ANXA8: variants seen among roughly 807,000 people sequenced by gnomAD.
The protein encoded by ANXA8 is VAC-beta.
ANXA8 carries 9 observed loss-of-function variants against 26.8 expected under a neutral mutation model. The observed-to-expected ratio is 0.34, with a 90% confidence interval of 0.20 to 0.59. The LOEUF is 0.59. Among genes scored for constraint, ANXA8 ranks in the 20% least tolerant of loss-of-function variants. The pLI, the probability that ANXA8 is intolerant of heterozygous loss-of-function variation, is 0.84. For synonymous variants in ANXA8, 39 were observed against 94.8 expected, an observed-to-expected ratio of 0.41 and a Z score of 3.42; for missense variants, 83 against 238.5, an observed-to-expected ratio of 0.35 and a Z score of 4.29.
chr10:47,665,004 G>A, the ANXA8 span, among the ~76,000 whole-genome samples: 1 of 144,316 alleles, frequency 6.9e-6, no homozygotes, highest in Non-Finnish European at 1.5e-5. Context: ...TGGGATTACA[G>A]GTATGAGCCA....
At chr10:47,577,224 C>CAAA in the ANXA8 span, among the ~76,000 whole-genome samples, 2 of 110,868 alleles carry the variant, frequency 1.8e-5, no homozygotes, top group East Asian at 2.9e-4. Flanking sequence ...GACTCCATCT[C>CAAA]AAAAAAAAAA....
the ANXA8 span, among the ~76,000 whole-genome samples, chr10:47,650,541 T>C: frequency 2.0e-5 from 3 of 150,880 alleles, no homozygotes; most frequent in Non-Finnish European, 2.9e-5. Context: ...GTGTGGTGGC[T>C]CACGCCTGTA....
At chr10:47,655,455 G>A in the ANXA8 span, among the ~76,000 whole-genome samples, 7 of 151,846 alleles carry the variant, frequency 4.6e-5, no homozygotes, top group African/African-American at 9.7e-5. Flanking sequence ...CAGTGTGACA[G>A]AGAGGGTAAG....
the ANXA8 span, among the ~76,000 whole-genome samples, chr10:47,606,405 C>G: frequency 2.1e-5 from 3 of 145,324 alleles, no homozygotes; most frequent in Non-Finnish European, 1.5e-5. Flanking sequence ...TGGGTATTCC[C>G]TCTGGAACAC....
chr10:47,986,613 T>G, the ANXA8 span: 4 of 360,522 alleles, frequency 1.1e-5, no homozygotes, highest in Non-Finnish European at 2.2e-5. Flanking sequence ...CTTTGAAACC[T>G]GATTGGAGAA....
At chr10:47,939,258 A>G in the ANXA8 span, among the ~76,000 whole-genome samples, 4 of 137,560 alleles carry the variant, frequency 2.9e-5, no homozygotes, top group East Asian at 2.3e-4. Context: ...AGCCGAGATC[A>G]CACCATTGCA....
chr10:47,767,750 T>A, the ANXA8 span, among the ~76,000 whole-genome samples: 1 of 151,638 alleles, frequency 6.6e-6, no homozygotes, highest in Admixed American at 6.6e-5. Context: ...CACTGGAATT[T>A]TATGGGATGT....
the ANXA8 span, among the ~76,000 whole-genome samples, chr10:47,650,345 C>A: frequency 1.4e-5 from 2 of 145,922 alleles, no homozygotes; most frequent in East Asian, 2.1e-4. Flanking sequence ...CTGCACCTGG[C>A]CAAAATTAAA....
the ANXA8 span, among the ~76,000 whole-genome samples, chr10:47,645,803 C>T: frequency 6.7e-6 from 1 of 149,930 alleles, no homozygotes; most frequent in East Asian, 1.9e-4. Context: ...TATTCAGAGC[C>T]CAAATAAAAC....
chr10:47,527,652 TTGTG>T, the ANXA8 span, among the ~76,000 whole-genome samples: 1 of 140,538 alleles, frequency 7.1e-6, no homozygotes, highest in Admixed American at 7.2e-5. Context: ...GTGATTGGGC[TTGTG>T]TGTGTGTGTG....
At chr10:47,684,418 T>C in the ANXA8 span, among the ~76,000 whole-genome samples, 2 of 129,410 alleles carry the variant, frequency 1.5e-5, no homozygotes, top group Admixed American at 1.5e-4. Flanking sequence ...AGTCAAGTTT[T>C]TTTTTGGGGG....
the ANXA8 span, among the ~76,000 whole-genome samples, chr10:47,948,880 T>C: frequency 1.3e-5 from 2 of 151,652 alleles, no homozygotes; most frequent in Non-Finnish European, 2.9e-5. Flanking sequence ...ATTGAAGATC[T>C]GAATAGAACA....
chr10:47,684,373 A>C, the ANXA8 span, among the ~76,000 whole-genome samples: 2 of 147,224 alleles, frequency 1.4e-5, no homozygotes, highest in Non-Finnish European at 3.0e-5. Context: ...CTTTTTAAAA[A>C]TTTACTATTT....
the ANXA8 span, among the ~76,000 whole-genome samples, chr10:47,557,646 T>C: frequency 6.6e-6 from 1 of 151,810 alleles, no homozygotes; most frequent in Admixed American, 6.6e-5. Flanking sequence ...TATAAATAGT[T>C]GCTGAAAAGT....
chr10:47,562,912 T>C, the ANXA8 span, among the ~76,000 whole-genome samples: 2 of 149,434 alleles, frequency 1.3e-5, no homozygotes, highest in Admixed American at 1.3e-4. Context: ...TGACTATTCA[T>C]TGCCCATGTT....
chr10:47,939,209 AG>A, the ANXA8 span, among the ~76,000 whole-genome samples: 1 of 144,102 alleles, frequency 6.9e-6, no homozygotes, highest in Non-Finnish European at 1.5e-5. Context: ...AGGCTGAGGC[AG>A]GAGAATCACT....
chr10:47,658,172 A>G, the ANXA8 span, among the ~76,000 whole-genome samples: 1 of 151,812 alleles, frequency 6.6e-6, no homozygotes, highest in Non-Finnish European at 1.5e-5. Flanking sequence ...GATCGAGACC[A>G]TCCTGGCTAA....
chr10:47,709,352 G>C, the ANXA8 span, among the ~76,000 whole-genome samples: 1 of 150,426 alleles, frequency 6.6e-6, no homozygotes, highest in African/African-American at 2.5e-5. Flanking sequence ...AGTGTTTATT[G>C]CCAATATCTT....
At chr10:47,982,827 T>TATATATATATATATAA in the ANXA8 span, among the ~76,000 whole-genome samples, 5 of 70,784 alleles carry the variant, frequency 7.1e-5, no homozygotes, top group Admixed American at 1.6e-4. Flanking sequence ...TATATATATA[T>TATATATATATATATAA]ATATATAAAA....
Sources: allele counts gnomAD v4.1 joint callset (sites outside exome capture counted in the v4.1 genomes callset), GRCh38; gene constraint gnomAD v4.1.1; transcripts MANE v1.5; gene names NCBI Gene and HGNC (gene_info 2026-07-23, HGNC 2026-07-21).